Variants in CPHXL observed in about 807,000 individuals in gnomAD.
CPHXL encodes the protein cytoplasmic polyadenylated homeobox like, also known as cytoplasmic polyadenylated homeobox-like protein.
rs375370835 is a variant in CPHXL, at chr16:75,717,827, A to G, written c.219+438T>C. 3.2e-4 allele frequency among the ~76,000 whole-genome samples: 49 copies of G among 152,340 alleles called. 1 individual carries two copies. The highest frequency in any genetic ancestry group is 2.5e-3 in the East Asian group (13 of 5,190). On this transcript the variant is annotated intron_variant, in intron 2 of 2. Transcript: ENST00000640559. ...AGTGGAGATGGAGGATTAACTGTATATACATATGTATTTTGATTGCACTTT... is the reference window on the plus strand; with the variant it reads ...AGTGGAGATGGAGGATTAACTGTATGTACATATGTATTTTGATTGCACTTT...
chr16:75,715,702 C>CT (rs987711528), intron 2 of CPHXL, among the ~76,000 whole-genome samples: 247 of 145,794 alleles, frequency 1.7e-3, no homozygotes, highest in South Asian at 2.4e-3. Flanking sequence ...CTTTTCTTCA[C>CT]TTTTTTTTTT....
rs1959425693 is a variant in CPHXL at position 75,718,463 on chromosome 16, C to T, written c.26-5G>A. Reference sequence around the variant, plus strand: ...GATCCTCTTCAGCTGGGAAACCTGACAAAAGTATAAGTAGCGAGAAGGGCA... The same window carrying T: ...GATCCTCTTCAGCTGGGAAACCTGATAAAAGTATAAGTAGCGAGAAGGGCA... On this transcript the variant is annotated splice_region_variant and splice_polypyrimidine_tract_variant and intron_variant, in intron 1 of 2. Transcript: ENST00000640559. The T allele has an allele frequency of 5.0e-6, 2 of 398,378 alleles. No individual in the cohort carries two copies. Among genetic ancestry groups the T allele is most frequent in the East Asian group, 3.6e-5 (1 of 28,070 alleles). 24.7% of individuals were successfully genotyped at this position (398,378 alleles called of 1,614,324 possible).
rs893329185 is a variant in CPHXL at position 75,714,377 on chromosome 16, C to A, written c.1065G>T (p.Gln355His). 5.0e-6 allele frequency: 2 copies of A among 398,630 alleles called. No homozygotes were observed. Among genetic ancestry groups the A allele is most frequent in the African/African-American group, 4.1e-5 (2 of 48,732 alleles). The allele number at this position is 398,630 out of a possible 1,614,324, so 24.7% of individuals were successfully genotyped here. Reference protein sequence around the residue: ...KQWSSAQSQLQSQLPQNNGKP... With the variant: ...KQWSSAQSQLHSQLPQNNGKP... ...TTCCATTATTCTGAGGCAGTTGACT[C>A]TGCAGCTGTGACTGAGCCGAGGACC... Residue 355 changes from glutamine to histidine, a missense_variant, in exon 3 of 3, where the codon CAG becomes CAT. Physicochemically the swap from Gln to His is conservative, Grantham distance 24. Coordinates refer to ENST00000640559, the MANE Select transcript of CPHXL (RefSeq NM_001355613.1).
chr16:75,725,321 CTCTG>C (rs1959539868), intron 1 of CPHXL, among the ~76,000 whole-genome samples: 1 of 152,100 alleles, frequency 6.6e-6, no homozygotes, highest in African/African-American at 2.4e-5. Context: ...GACAGTCTCC[CTCTG>C]TCGCCTAGGC....
chr16:75,723,279 G>T (rs1156449623), intron 1 of CPHXL, among the ~76,000 whole-genome samples: 1 of 152,068 alleles, frequency 6.6e-6, no homozygotes, highest in Non-Finnish European at 1.5e-5. Context: ...AGAAATAAAG[G>T]GTATTCAATT....
intron 1 of CPHXL, among the ~76,000 whole-genome samples, chr16:75,721,181 G>C (rs1436506399): frequency 3.9e-5 from 6 of 152,262 alleles, no homozygotes; most frequent in African/African-American, 1.2e-4. Context: ...AGGCTAGGAA[G>C]AAACTGCATG....
intron 1 of CPHXL, among the ~76,000 whole-genome samples, chr16:75,724,118 T>A (rs1452522227): frequency 5.9e-5 from 9 of 152,208 alleles, no homozygotes; most frequent in African/African-American, 1.4e-4. Context: ...TATACAAAAA[T>A]TAATTCAAGA....
chr16:75,715,553 G>C (rs1210589974), intron 2 of CPHXL, among the ~76,000 whole-genome samples: 3 of 152,120 alleles, frequency 2.0e-5, no homozygotes, highest in Non-Finnish European at 4.4e-5. Context: ...TGTTCACTAA[G>C]AGACCCACTC....
At chr16:75,716,504 G>T (rs961920783) in intron 2 of CPHXL, among the ~76,000 whole-genome samples, 1 of 152,224 alleles carries the variant, frequency 6.6e-6, no homozygotes, top group Non-Finnish European at 1.5e-5. Flanking sequence ...AAAAGATACA[G>T]ATGAAGAGAT....
At chr16:75,720,547 T>C (rs997631879) in intron 1 of CPHXL, among the ~76,000 whole-genome samples, 1 of 151,998 alleles carries the variant, frequency 6.6e-6, no homozygotes, top group Non-Finnish European at 1.5e-5. Context: ...AAGAGAAGTT[T>C]AGAGAAAAAA....
At chr16:75,716,373 C>A (rs1174887640) in intron 2 of CPHXL, among the ~76,000 whole-genome samples, 3 of 152,208 alleles carry the variant, frequency 2.0e-5, no homozygotes, top group Non-Finnish European at 4.4e-5. Flanking sequence ...AAACTTTTGG[C>A]TGACTGGCTT....
At chr16:75,720,662 A>G (rs1196329784) in intron 1 of CPHXL, among the ~76,000 whole-genome samples, 1 of 152,238 alleles carries the variant, frequency 6.6e-6, no homozygotes, top group Non-Finnish European at 1.5e-5. Context: ...GAATGGAACC[A>G]AGTTGGAAAA....
chr16:75,725,753 CTTTTTTTTTTTTTTTTT>C (rs35659823), intron 1 of CPHXL, among the ~76,000 whole-genome samples: 7 of 43,318 alleles, frequency 1.6e-4, no homozygotes, highest in East Asian at 1.7e-3. Context: ...TGCCCGGCGT[CTTTTTTTTTTTTTTTTT>C]TTTTTTTTTT....
chr16:75,719,413 C>G (rs576858339), intron 1 of CPHXL, among the ~76,000 whole-genome samples: 32 of 152,154 alleles, frequency 2.1e-4, no homozygotes, highest in Non-Finnish European at 4.0e-4. Context: ...CCTAATACTG[C>G]GCTTTTCCAA....
chr16:75,721,607 T>C (rs2151839676), intron 1 of CPHXL, among the ~76,000 whole-genome samples: 1 of 152,208 alleles, frequency 6.6e-6, no homozygotes, highest in South Asian at 2.1e-4. Flanking sequence ...ATAAAGCAAG[T>C]CCTTAGAGAC....
At chr16:75,718,163 A>T (rs1959420427) in intron 2 of CPHXL, 102 bp downstream of exon 2, 1 of 394,232 alleles carries the variant, frequency 2.5e-6, no homozygotes, top group Non-Finnish European at 4.5e-6. Context: ...GGCTGCAGTG[A>T]GCCGTGATCA....
In CPHXL at chr16:75,723,680, G is replaced by A. The variant is rs567917381; in HGVS notation, c.25+2738C>T. Among the ~76,000 whole-genome samples, 9 of 152,234 alleles carry A rather than the reference G, an allele frequency of 5.9e-5. No homozygotes were observed. In the South Asian group the frequency reaches 1.5e-3, roughly 25 times the overall value. ...TCATAAAAATGGCCATACTACCCAA[G>A]GTAATTTATAGATTCAATGCCATCC... On this transcript the variant is annotated intron_variant, in intron 1 of 2. Coordinates refer to ENST00000640559, the MANE Select transcript of CPHXL (RefSeq NM_001355613.1).
At chr16:75,725,838 C>CCCCCTG (rs1359213922) in intron 1 of CPHXL, among the ~76,000 whole-genome samples, 1 of 144,202 alleles carries the variant, frequency 6.9e-6, no homozygotes, top group Non-Finnish European at 1.5e-5. Context: ...TTCAATTGAT[C>CCCCCTG]CCCCTGCTTT....
chr16:75,720,569 A>T, intron 1 of CPHXL, among the ~76,000 whole-genome samples: 1 of 152,320 alleles, frequency 6.6e-6, no homozygotes, highest in South Asian at 2.1e-4. Context: ...AATAAAAAGA[A>T]ACAAACAAAG....
Sources: gnomAD v4.1 joint callset for allele counts (sites outside exome capture counted in the v4.1 genomes callset) on GRCh38, gnomAD v4.1.1 for gene constraint, MANE v1.5 for transcripts, NCBI Gene and HGNC (gene_info 2026-07-23, HGNC 2026-07-21) for gene names.